Variants in RPRD2 observed in about 807,000 individuals in gnomAD.
The protein encoded by RPRD2 is regulation of nuclear pre-mRNA domain-containing protein 2.
Under a neutral mutation model 104.4 loss-of-function variants are expected in RPRD2, and 12 were observed. That is an observed-to-expected ratio of 0.11 (90% CI 0.07 to 0.19). The LOEUF is 0.19. Ranked by LOEUF, RPRD2 falls within the 10% of genes least tolerant of loss-of-function variation. RPRD2 has a pLI of 1.00. For synonymous variants in RPRD2, 714 were observed against 684.9 expected (o/e 1.04, Z -0.66); for missense variants, 1,543 against 1,790.1 (o/e 0.86, Z 2.49).
Position 150,416,872 on chromosome 1 carries a change from C to CAA in RPRD2, c.206-706_206-705dup, listed in dbSNP as rs782463847. Among the ~76,000 whole-genome samples, 372 of 72,356 alleles carry CAA rather than the reference C, an allele frequency of 5.1e-3. 8 individuals carry two copies. Among genetic ancestry groups the CAA allele is most frequent in the African/African-American group, 8.4e-3 (169 of 20,160 alleles). 47.5% of individuals were successfully genotyped at this position (72,356 alleles called of 152,430 possible). ...GGGCGACAGAGTGAGACTCCATCTC[C>CAA]AAAAAAAAAAAAAAAAAAACAAAAA... On this transcript the variant is annotated intron_variant, in intron 1 of 10. Transcript: ENST00000369068.
chr1:150,462,444 T>C (rs1553899018), intron 9 of RPRD2, among the ~76,000 whole-genome samples: 3 of 143,640 alleles, frequency 2.1e-5, no homozygotes, highest in Admixed American at 1.4e-4. Flanking sequence ...GACTCTTGTC[T>C]CAAAAAAAAA....
chr1:150,420,991 A>T (rs1664720136), intron 2 of RPRD2, among the ~76,000 whole-genome samples: 1 of 152,206 alleles, frequency 6.6e-6, no homozygotes, highest in Admixed American at 6.5e-5. Context: ...TGTCTCTGTC[A>T]CAGCTCCTTA....
chr1:150,460,124 A>G lies in RPRD2; in HGVS notation c.1218A>G (p.Pro406=), dbSNP rs376778875. The change falls in exon 9 of 11, where the codon CCA becomes CCG. Residue 406 remains proline (P), a synonymous_variant. Transcript: ENST00000369068. Reference sequence around the variant, plus strand: ...TATCCACTTCTGTACCTACAAAGCCAACAGAAAATATCTCAAAGGCCTCTT... The same window carrying G: ...TATCCACTTCTGTACCTACAAAGCCGACAGAAAATATCTCAAAGGCCTCTT... ...SAVSTSVPTK[P]TENISKASSC... is the part of the protein sequence containing the mutation. 4 of 1,613,836 alleles carry G rather than the reference A, an allele frequency of 2.5e-6. No individual in the cohort carries two copies. The African/African-American group carries it at 4.0e-5, about 16-fold the overall frequency.
At chr1:150,422,154 G>A (rs1180183482) in intron 2 of RPRD2, among the ~76,000 whole-genome samples, 1 of 134,678 alleles carries the variant, frequency 7.4e-6, no homozygotes, top group African/African-American at 2.8e-5. Context: ...GTGAAACCCC[G>A]TCTCTACTAA....
intron 1 of RPRD2, among the ~76,000 whole-genome samples, chr1:150,386,164 G>A (rs1012407721): frequency 3.3e-5 from 5 of 151,962 alleles, no homozygotes; most frequent in Non-Finnish European, 5.9e-5. Context: ...AGATGGTGGG[G>A]GATCTCACTA....
rs141026109 is a variant in RPRD2, at chr1:150,457,217, C to T, written c.871-71C>T. 1.1e-4 allele frequency: 167 copies of T among 1,460,600 alleles called. No individual in the cohort carries two copies. The East Asian group carries it at 2.5e-3, about 21-fold the overall frequency. The allele number at this position is 1,460,600 out of a possible 1,614,324, so 90.5% of individuals were successfully genotyped here. The stretch of plus-strand genomic sequence containing the variant: ...CTAGCCTGGGTGACAAAGTGAGACT[C>T]TGCCTCAAAAAGAAAAAATGTTAAC... On this transcript the variant is annotated intron_variant, in intron 7 of 10. Transcript: ENST00000369068.
chr1:150,447,920 T>A (rs1273351509), intron 7 of RPRD2, among the ~76,000 whole-genome samples: 1 of 152,204 alleles, frequency 6.6e-6, no homozygotes, highest in Non-Finnish European at 1.5e-5. Context: ...AAATAGCTGT[T>A]AACTTCCTGA....
chr1:150,407,689 A>G (rs1663584350), intron 1 of RPRD2, among the ~76,000 whole-genome samples: 1 of 152,240 alleles, frequency 6.6e-6, no homozygotes, highest in South Asian at 2.1e-4. Context: ...CCCTCAACAA[A>G]GCAACTAAGT....
intron 2 of RPRD2, among the ~76,000 whole-genome samples, chr1:150,435,914 C>G (rs1312686637): frequency 6.6e-6 from 1 of 152,194 alleles, no homozygotes; most frequent in African/African-American, 2.4e-5. Flanking sequence ...CAGGCTGACT[C>G]TCTTGTTAGG....
chr1:150,417,402 A>G (rs1664423955), intron 1 of RPRD2, among the ~76,000 whole-genome samples, 194 bp from the exon 2 acceptor site: 1 of 152,012 alleles, frequency 6.6e-6, no homozygotes, highest in Non-Finnish European at 1.5e-5. Context: ...CCTCCCTTCC[A>G]TCCATTAGTT....
Position 150,364,676 on chromosome 1 carries a change from G to C in RPRD2, c.-39G>C. 1 of 1,267,052 alleles carries C rather than the reference G, an allele frequency of 7.9e-7. No homozygotes were observed. The highest frequency in any genetic ancestry group is 2.5e-5 in the East Asian group (1 of 39,356). 78.5% of individuals were successfully genotyped at this position (1,267,052 alleles called of 1,614,324 possible). On this transcript the variant is annotated 5_prime_UTR_variant, in exon 1 of 11. Coordinates refer to ENST00000369068, the MANE Select transcript of RPRD2 (RefSeq NM_015203.5). ...CGCTCCCGCCGCCGCCGCCGCCGCC[G>C]CCGCCAGAGGAGCAGCAGCGCTTGT... is the stretch of plus-strand genomic sequence containing the variant.
intron 2 of RPRD2, among the ~76,000 whole-genome samples, chr1:150,419,870 C>CGCCT (rs1553889317): frequency 6.6e-6 from 1 of 152,134 alleles, no homozygotes; most frequent in Non-Finnish European, 1.5e-5. Flanking sequence ...TCAGGTGATC[C>CGCCT]GCCTGCCTCC....
chr1:150,460,683 G>A (rs587723677), intron 9 of RPRD2, among the ~76,000 whole-genome samples: 8 of 151,282 alleles, frequency 5.3e-5, no homozygotes, highest in African/African-American at 1.9e-4. Context: ...GATTATAGGC[G>A]TGAGTCACCG....
chr1:150,430,833 C>T (rs1429862122), intron 2 of RPRD2, among the ~76,000 whole-genome samples: 6 of 151,840 alleles, frequency 4.0e-5, no homozygotes, highest in African/African-American at 1.5e-4. Context: ...GAGACTGAGG[C>T]GGGAAAATCG....
In RPRD2 at chr1:150,471,716, C is replaced by A; in HGVS notation, c.2768C>A (p.Pro923His). ...FGAFSVRGNEPGSDRSPSPSK... is the reference protein window; with the variant it reads ...FGAFSVRGNEHGSDRSPSPSK... ...GCCTTCAGCGTAAGAGGGAATGAACCTGGGTCTGACCGGTCACCATCACCG... is the reference window on the plus strand; with the variant it reads ...GCCTTCAGCGTAAGAGGGAATGAACATGGGTCTGACCGGTCACCATCACCG... The change falls in exon 11 of 11, where the codon CCT becomes CAT. Residue 923 changes from proline (P) to histidine (H), a missense_variant. Around this residue, in one of 4 missense-constraint regions of RPRD2, gnomAD observed 880 missense variants for 885.6 expected, o/e 0.99. Transcript: ENST00000369068. The surrounding 1 kb of genome is among the most constrained non-coding windows in gnomAD (Gnocchi z 5.3). The A allele has an allele frequency of 6.2e-7, 1 of 1,613,922 alleles. No homozygotes were observed. Among genetic ancestry groups the A allele is most frequent in the South Asian group, 1.1e-5 (1 of 91,072 alleles).
chr1:150,392,887 A>C (rs1662198416), intron 1 of RPRD2, among the ~76,000 whole-genome samples: 1 of 152,154 alleles, frequency 6.6e-6, no homozygotes, highest in Non-Finnish European at 1.5e-5. Context: ...GTACAGAGGT[A>C]TGAAGGGAAT....
chr1:150,400,885 T>TTA (rs1553885208), intron 1 of RPRD2, among the ~76,000 whole-genome samples: 1 of 148,508 alleles, frequency 6.7e-6, no homozygotes, highest in African/African-American at 2.5e-5. Context: ...TTTTTTTTTT[T>TTA]AAAAAAAAGA....
At chr1:150,375,442 A>G (rs1390141737) in intron 1 of RPRD2, among the ~76,000 whole-genome samples, 2 of 152,170 alleles carry the variant, frequency 1.3e-5, no homozygotes, top group East Asian at 3.8e-4. Context: ...TAATATTAAA[A>G]TTTGCTCACA....
intron 2 of RPRD2, among the ~76,000 whole-genome samples, chr1:150,433,033 GAT>G (rs1341559677): frequency 6.6e-6 from 1 of 151,962 alleles, no homozygotes; most frequent in Admixed American, 6.6e-5. Context: ...ACAAAGAAAT[GAT>G]ATATGTTTGA....
Sources: gnomAD v4.1 joint callset for allele counts (sites outside exome capture counted in the v4.1 genomes callset) on GRCh38, gnomAD v4.1.1 for gene constraint, gnomAD v4.1.1 regional missense constraint, Gnocchi (gnomAD v3.1) non-coding constraint, MANE v1.5 for transcripts, NCBI Gene and HGNC (gene_info 2026-07-23, HGNC 2026-07-21) for gene names.